Variants in SGCZ observed in about 807,000 individuals in gnomAD.
SGCZ encodes the protein sarcoglycan zeta.
In SGCZ, 40 loss-of-function variants were observed where a neutral mutation model predicts 41.3. That is an observed-to-expected ratio of 0.97 (90% CI 0.75 to 1.26). The LOEUF is 1.26. Ranked by LOEUF, SGCZ falls within the 50% of genes most tolerant of loss-of-function variation. The probability of loss-of-function intolerance (pLI) is 0.00; values close to 1 mark genes in which losing one functional copy is unlikely to be tolerated. For synonymous variants in SGCZ, 206 were observed against 137.5 expected, an observed-to-expected ratio of 1.50 and a Z score of -3.49; for missense variants, 552 against 369.8, an observed-to-expected ratio of 1.49 and a Z score of -4.04.
chr8:14,411,171 A>C (rs988971099), intron 2 of SGCZ, among the ~76,000 whole-genome samples: 2 of 152,112 alleles, frequency 1.3e-5, no homozygotes, highest in African/African-American at 4.8e-5. Flanking sequence ...ATTAGAAATA[A>C]TTTTCATTAA....
intron 3 of SGCZ, among the ~76,000 whole-genome samples, chr8:14,285,235 C>T (rs11781416): frequency 0.21 from 32,455 of 151,960 alleles, 3,647 homozygotes; most frequent in East Asian, 0.3. Flanking sequence ...ATTCATTCTT[C>T]TGGAGGCTTC....
intron 2 of SGCZ, among the ~76,000 whole-genome samples, chr8:14,547,111 C>G (rs1803653596): frequency 6.6e-6 from 1 of 151,970 alleles, no homozygotes. Context: ...CGTTATAATT[C>G]AGGGTATTTT....
At chr8:14,820,876 C>A (rs78483204) in intron 1 of SGCZ, among the ~76,000 whole-genome samples, 17,751 of 138,732 alleles carry the variant, frequency 0.13, 1,495 homozygotes, top group East Asian at 0.26. Context: ...GATCAAAAAA[C>A]AAAAAAAGAT....
rs781117945 is a variant in SGCZ, at chr8:14,660,502, C to T, written c.40-105576G>A. On this transcript the variant is annotated intron_variant, in intron 1 of 7. Coordinates refer to ENST00000382080, the MANE Select transcript of SGCZ (RefSeq NM_139167.4). ...CAGGAGAATTGCTTGAAACCAGAGG[C>T]GGAGGTTTCAGTGAGCCAACATTCA... Among the ~76,000 whole-genome samples the T allele has an allele frequency of 2.2e-4, 30 of 136,640 alleles. 1 individual carries two copies. Among genetic ancestry groups the T allele is most frequent in the African/African-American group, 6.1e-4 (21 of 34,340 alleles). The allele number at this position is 136,640 out of a possible 152,430, so 89.6% of individuals were successfully genotyped here. A position where few individuals can be genotyped will look rare whatever the true frequency, so the allele number is the denominator to read the frequency against.
chr8:15,130,725 T>C (rs554630181), intron 1 of SGCZ, among the ~76,000 whole-genome samples: 49 of 152,338 alleles, frequency 3.2e-4, no homozygotes, highest in Admixed American at 5.9e-4. Flanking sequence ...TTGTAAATAA[T>C]TGTAAGCATT....
At chr8:14,384,485 G>T (rs56083868) in intron 2 of SGCZ, among the ~76,000 whole-genome samples, 6,810 of 152,166 alleles carry the variant, frequency 0.045, 493 homozygotes, top group African/African-American at 0.15. Flanking sequence ...AAGATAATTG[G>T]TTGTTATAGG....
chr8:14,632,101 C>T (rs1806674930), intron 1 of SGCZ, among the ~76,000 whole-genome samples: 1 of 152,062 alleles, frequency 6.6e-6, no homozygotes, highest in African/African-American at 2.4e-5. Flanking sequence ...TCATTGCTGC[C>T]TTGACCTGCT....
intron 1 of SGCZ, among the ~76,000 whole-genome samples, chr8:14,563,502 A>G (rs1804269519): frequency 6.6e-6 from 1 of 152,226 alleles, no homozygotes; most frequent in East Asian, 1.9e-4. Context: ...AATACAAACT[A>G]TCAATAGAAT....
At chr8:14,229,145 C>G (rs931840563) in intron 4 of SGCZ, among the ~76,000 whole-genome samples, 2 of 152,150 alleles carry the variant, frequency 1.3e-5, no homozygotes, top group African/African-American at 4.8e-5. Context: ...TTCCCTGATT[C>G]TGCACTTCTA....
chr8:14,896,102 G>T (rs982114209), intron 1 of SGCZ, among the ~76,000 whole-genome samples: 7 of 152,162 alleles, frequency 4.6e-5, no homozygotes, highest in African/African-American at 1.7e-4. Context: ...CTAGTTTTCT[G>T]CATTCCCAAA....
chr8:14,596,814 G>T lies in SGCZ; in HGVS notation c.40-41888C>A, dbSNP rs185881755. 1.4e-3 allele frequency among the ~76,000 whole-genome samples: 211 copies of T among 152,164 alleles called. 1 individual carries two copies. Among genetic ancestry groups the T allele is most frequent in the Admixed American group, 2.0e-3 (31 of 15,266 alleles). On this transcript the variant is annotated intron_variant, in intron 1 of 7. Transcript: ENST00000382080. ...TAACAAACCTGCACATTTTGCACATGTATCCTGGAAATTAGAGTAAAATAA... is the reference window on the plus strand; with the variant it reads ...TAACAAACCTGCACATTTTGCACATTTATCCTGGAAATTAGAGTAAAATAA...
intron 3 of SGCZ, among the ~76,000 whole-genome samples, chr8:14,268,933 A>G (rs1044185685): frequency 1.3e-5 from 2 of 151,786 alleles, no homozygotes; most frequent in Non-Finnish European, 2.9e-5. Flanking sequence ...TTTATTTCAA[A>G]TTATTAAGTA....
intron 1 of SGCZ, among the ~76,000 whole-genome samples, chr8:14,608,681 G>C (rs1258860367): frequency 4.6e-5 from 7 of 151,822 alleles, no homozygotes; most frequent in African/African-American, 1.7e-4. Flanking sequence ...TTGGGTCATG[G>C]GGGTGGATTC....
At chr8:14,400,579 TA>T (rs1213082366) in intron 2 of SGCZ, among the ~76,000 whole-genome samples, 1 of 152,156 alleles carries the variant, frequency 6.6e-6, no homozygotes, top group African/African-American at 2.4e-5. Flanking sequence ...AAACATCTTT[TA>T]AATTATCAGG....
chr8:14,188,266 C>G (rs183309734), intron 4 of SGCZ, among the ~76,000 whole-genome samples: 4 of 152,238 alleles, frequency 2.6e-5, no homozygotes, highest in Admixed American at 2.6e-4. Context: ...GAGAGTTATA[C>G]CAGCATCAGA....
intron 1 of SGCZ, among the ~76,000 whole-genome samples, chr8:14,794,665 G>A (rs1801067643): frequency 6.6e-6 from 1 of 152,164 alleles, no homozygotes; most frequent in South Asian, 2.1e-4. Context: ...TCCCAAGACT[G>A]AAAGGTATAG....
chr8:14,406,893 G>T (rs1030195835), intron 2 of SGCZ, among the ~76,000 whole-genome samples: 1 of 152,076 alleles, frequency 6.6e-6, no homozygotes, highest in African/African-American at 2.4e-5. Context: ...AGGAGCTGCT[G>T]CTGTATACTG....
intron 2 of SGCZ, among the ~76,000 whole-genome samples, chr8:14,449,392 G>C (rs1319791308): frequency 1.3e-5 from 2 of 152,078 alleles, no homozygotes; most frequent in Non-Finnish European, 2.9e-5. Flanking sequence ...TTCTAGACCT[G>C]GATCATTTGT....
intron 4 of SGCZ, among the ~76,000 whole-genome samples, chr8:14,226,207 G>T (rs1482095797): frequency 6.6e-6 from 1 of 152,116 alleles, no homozygotes; most frequent in Admixed American, 6.6e-5. Context: ...TATAAAAAAA[G>T]ACAGACATCA....
Sources: gnomAD v4.1 joint callset for allele counts (sites outside exome capture counted in the v4.1 genomes callset) on GRCh38, gnomAD v4.1.1 for gene constraint, MANE v1.5 for transcripts, NCBI Gene and HGNC (gene_info 2026-07-23, HGNC 2026-07-21) for gene names.